NSD3: variants seen among roughly 807,000 people sequenced by gnomAD.
The protein encoded by NSD3 is histone-lysine N-methyltransferase NSD3.
In NSD3, 24 loss-of-function variants were observed where a neutral mutation model predicts 160.8. The observed-to-expected ratio is 0.15, with a 90% CI of 0.11 to 0.21. The LOEUF is 0.21. NSD3 is among the 10% of genes least tolerant of loss of function. The pLI, the probability that NSD3 is intolerant of heterozygous loss-of-function variation, is 1.00. For synonymous variants in NSD3, 520 were observed against 600.0 expected (o/e 0.87, Z 1.95); for missense variants, 1,157 against 1,735.9 (o/e 0.67, Z 5.93).
intron 12 of NSD3, among the ~76,000 whole-genome samples, chr8:38,313,607 T>G (rs1809585628): frequency 6.6e-6 from 1 of 151,912 alleles, no homozygotes; most frequent in African/African-American, 2.4e-5. Flanking sequence ...GCTAACATGG[T>G]GAAACCTCGT....
intron 22 of NSD3, among the ~76,000 whole-genome samples, chr8:38,278,105 A>AT (rs1156581476): frequency 1.7e-4 from 26 of 151,788 alleles, no homozygotes; most frequent in Admixed American, 1.1e-3. Context: ...TGCCCAGCTA[A>AT]TTTTTTGTAT....
chr8:38,283,143 T>C (rs1416303712), intron 19 of NSD3, among the ~76,000 whole-genome samples: 1 of 152,220 alleles, frequency 6.6e-6, no homozygotes, highest in East Asian at 1.9e-4. Context: ...CCACTATTTA[T>C]TATTTAAGCT....
chr8:38,304,516 G>A (rs1193521583), intron 14 of NSD3, 71 bp downstream of exon 14: 2 of 1,491,700 alleles, frequency 1.3e-6, no homozygotes, highest in East Asian at 2.3e-5. Flanking sequence ...TCCCAATGCT[G>A]AGACTCTATG....
Position 38,271,146 on chromosome 8 carries a change from A to G in NSD3, c.*4495T>C, listed in dbSNP as rs1808460967. The G allele has an allele frequency of 6.6e-6, 1 of 152,196 alleles. No homozygotes were observed. The highest frequency in any genetic ancestry group is 1.5e-5 in the Non-Finnish European group (1 of 68,026). The allele number at this position is 152,196 out of a possible 1,614,324, so 9.4% of individuals were successfully genotyped here. A position where few individuals can be genotyped will look rare whatever the true frequency, so the allele number is the denominator to read the frequency against. Reference sequence around the variant, plus strand: ...GGAGTCTCTTCCTCAAATGTGTTCAATCAATCTGAGCTATCTACTGTGAAC... The same window carrying G: ...GGAGTCTCTTCCTCAAATGTGTTCAGTCAATCTGAGCTATCTACTGTGAAC... On this transcript the variant is annotated 3_prime_UTR_variant, in exon 24 of 24. Coordinates refer to ENST00000317025, the MANE Select transcript of NSD3 (RefSeq NM_023034.2).
At chr8:38,301,344 G>A (rs1360208896) in intron 14 of NSD3, among the ~76,000 whole-genome samples, 1 of 152,228 alleles carries the variant, frequency 6.6e-6, no homozygotes, top group Non-Finnish European at 1.5e-5. Context: ...TTGGGAGGCC[G>A]AGACAGGCGG....
At position 38,270,617 on chromosome 8, in the gene NSD3, A is replaced by G. The variant is rs1373343161; in HGVS notation, c.*5024T>C. 2.6e-5 allele frequency: 4 copies of G among 152,228 alleles called. No homozygotes were observed. The highest frequency in any genetic ancestry group is 3.8e-4 in the East Asian group (2 of 5,198). 9.4% of individuals were successfully genotyped at this position (152,228 alleles called of 1,614,324 possible). Reference sequence around the variant, plus strand: ...AAGAATACCTTATTCAATACCTTATATAGGTCATCTGACAGATACTTGAGG... The same window carrying G: ...AAGAATACCTTATTCAATACCTTATGTAGGTCATCTGACAGATACTTGAGG... On this transcript the variant is annotated 3_prime_UTR_variant, in exon 24 of 24. Coordinates refer to ENST00000317025, the MANE Select transcript of NSD3 (RefSeq NM_023034.2).
In NSD3 at chr8:38,275,570, A is replaced by C; in HGVS notation, c.*71T>G. ...TGGCAAAGGCTGTATGCACTGTAGCAGTCTCTTCTTTTTAAATGCATGATC... is the reference window on the plus strand; with the variant it reads ...TGGCAAAGGCTGTATGCACTGTAGCCGTCTCTTCTTTTTAAATGCATGATC... On this transcript the variant is annotated 3_prime_UTR_variant, in exon 24 of 24. Coordinates refer to ENST00000317025, the MANE Select transcript of NSD3 (RefSeq NM_023034.2). 1.4e-6 allele frequency: 2 copies of C among 1,418,660 alleles called. No individual in the cohort carries two copies. The highest frequency in any genetic ancestry group is 1.9e-6 in the Non-Finnish European group (2 of 1,040,740). The allele number at this position is 1,418,660 out of a possible 1,614,324, so 87.9% of individuals were successfully genotyped here.
At chr8:38,377,746 G>C (rs1267409293) in intron 1 of NSD3, among the ~76,000 whole-genome samples, 2 of 151,968 alleles carry the variant, frequency 1.3e-5, no homozygotes, top group African/African-American at 4.8e-5. Flanking sequence ...TGTAATCCCA[G>C]CACTTTGGGA....
intron 16 of NSD3, among the ~76,000 whole-genome samples, chr8:38,293,290 G>A (rs921878432): frequency 6.6e-6 from 1 of 151,870 alleles, no homozygotes; most frequent in African/African-American, 2.4e-5. Context: ...AGTGGCTCAT[G>A]CCTGTAATCC....
chr8:38,297,461 G>T (rs1343985687), intron 15 of NSD3, among the ~76,000 whole-genome samples: 1 of 152,120 alleles, frequency 6.6e-6, no homozygotes, highest in African/African-American at 2.4e-5. Context: ...AGTGTACGAA[G>T]ATTTAAAGTC....
chr8:38,279,778 C>T, intron 20 of NSD3, 97 bp from the exon 21 acceptor site: 1 of 1,374,616 alleles, frequency 7.3e-7, no homozygotes, highest in Non-Finnish European at 9.8e-7. Context: ...ATTTTGCTAC[C>T]AACTGGTGTT....
intron 1 of NSD3, among the ~76,000 whole-genome samples, chr8:38,361,734 T>G (rs13267895): frequency 0.99 from 142,060 of 143,488 alleles, 70,330 homozygotes; most frequent in East Asian, 1. Flanking sequence ...CAGCCTGGGC[T>G]ACAGAGCGAG....
intron 2 of NSD3, among the ~76,000 whole-genome samples, chr8:38,345,682 A>G (rs1456615183): frequency 6.6e-6 from 1 of 151,998 alleles, no homozygotes; most frequent in Non-Finnish European, 1.5e-5. Context: ...AGGCCAAGGC[A>G]GGTGGATCAC....
In NSD3 at chr8:38,277,726, G is replaced by A. The variant is rs151285800; in HGVS notation, c.3867+580C>T. Among the ~76,000 whole-genome samples, 17 of 152,212 alleles carry A rather than the reference G, an allele frequency of 1.1e-4. 1 individual carries two copies. The highest frequency in any genetic ancestry group is 1.8e-4 in the Non-Finnish European group (12 of 68,012). On this transcript the variant is annotated intron_variant, in intron 22 of 23. Coordinates refer to ENST00000317025, the MANE Select transcript of NSD3 (RefSeq NM_023034.2). ...TTCAGTGGCCTTTAGTATTTTGTGGGTTTTTAAAAAGTTTTAAATTAGCTT... is the reference window on the plus strand; with the variant it reads ...TTCAGTGGCCTTTAGTATTTTGTGGATTTTTAAAAAGTTTTAAATTAGCTT...
intron 2 of NSD3, among the ~76,000 whole-genome samples, chr8:38,345,770 C>T (rs920924568): frequency 2.0e-5 from 3 of 151,010 alleles, no homozygotes; most frequent in East Asian, 1.9e-4. Context: ...ATTAGCCAGG[C>T]GTGGTGGTAT....
intron 21 of NSD3, 32 bp downstream of exon 21, chr8:38,279,508 A>G (rs755173642): frequency 1.9e-6 from 3 of 1,609,904 alleles, no homozygotes; most frequent in Non-Finnish European, 1.7e-6. Flanking sequence ...CTTCCTAGGG[A>G]GGAAAGCATG....
Position 38,319,996 on chromosome 8 carries a change from A to T in NSD3, c.1810-1056T>A, listed in dbSNP as rs1809759619. ...ATTTTGGGAACCAGCTGGCAAAATC[A>T]CAACTTCATTTTGGTAATGAATAAC... On this transcript the variant is annotated intron_variant, in intron 8 of 23. Coordinates refer to ENST00000317025, the MANE Select transcript of NSD3 (RefSeq NM_023034.2). This position sits in a 1 kb window ranked among gnomAD's most constrained non-coding sequence, Gnocchi z 4.1. 6.6e-6 allele frequency: 1 copy of T among 152,208 alleles called. No individual in the cohort carries two copies. The highest frequency in any genetic ancestry group is 6.5e-5 in the Admixed American group (1 of 15,284). 9.4% of individuals were successfully genotyped at this position (152,208 alleles called of 1,614,324 possible).
chr8:38,294,987 CA>C (rs1306072979), intron 16 of NSD3, among the ~76,000 whole-genome samples: 2 of 150,282 alleles, frequency 1.3e-5, no homozygotes, highest in African/African-American at 4.9e-5. Flanking sequence ...ACTAAAAATA[CA>C]AAAAAATTAG....
At position 38,347,838 on chromosome 8, in the gene NSD3, A is replaced by T; in HGVS notation, c.334T>A (p.Tyr112Asn). ...AVRNFSPTDY[Y>N]HSEIPNTRPH... ...CTTGTGTTTGGAATTTCTGAATGAT[A>T]ATAGTCAGTGGGGCTAAAGTTTCTA... The change falls in exon 2 of 24, where the codon TAT (tyrosine) becomes AAT (asparagine). Residue 112 changes from tyrosine (Y) to asparagine (N), a missense_variant. Around this residue, in one of 10 missense-constraint regions of NSD3, gnomAD observed 121 missense variants for 177.2 expected, o/e 0.68. Transcript: ENST00000317025. 6.2e-7 allele frequency: 1 copy of T among 1,614,220 alleles called. No individual in the cohort carries two copies. The highest frequency in any genetic ancestry group is 8.5e-7 in the Non-Finnish European group (1 of 1,180,046).
Sources: allele counts gnomAD v4.1 joint callset (sites outside exome capture counted in the v4.1 genomes callset), GRCh38; gene constraint gnomAD v4.1.1; regional missense constraint gnomAD v4.1.1; non-coding constraint Gnocchi (gnomAD v3.1); transcripts MANE v1.5; gene names NCBI Gene and HGNC (gene_info 2026-07-23, HGNC 2026-07-21).